MAF: variants seen among roughly 807,000 people sequenced by gnomAD.
MAF encodes MAF bZIP transcription factor, also known as transcription factor Maf.
Under a neutral mutation model 22.0 loss-of-function variants are expected in MAF, and 10 were observed. That is an observed-to-expected ratio of 0.45 (90% CI 0.28 to 0.77). The LOEUF is 0.77. MAF is among the 30% of genes least tolerant of loss of function. MAF has a pLI of 0.12. For missense variants in MAF, 544 were observed against 548.4 expected (o/e 0.99, Z 0.08); for synonymous variants, 337 against 255.8 (o/e 1.32, Z -3.03).
chr16:79,210,713 A>G, the MAF span, among the ~76,000 whole-genome samples: 458 of 152,224 alleles, frequency 3.0e-3, no homozygotes, highest in African/African-American at 0.01. Context: ...TATTATTTTT[A>G]ATTATGGCTT....
the MAF span, among the ~76,000 whole-genome samples, chr16:79,300,729 C>A: frequency 6.7e-6 from 1 of 149,658 alleles, no homozygotes; most frequent in Non-Finnish European, 1.5e-5. Flanking sequence ...AAAAAAAATT[C>A]ATTTAATTTA....
At chr16:79,493,835 C>T in the MAF span, among the ~76,000 whole-genome samples, 4 of 151,884 alleles carry the variant, frequency 2.6e-5, no homozygotes, top group Non-Finnish European at 4.4e-5. Flanking sequence ...CTTTGCTTCC[C>T]CCAAAGCCTT....
At chr16:79,364,032 A>T in the MAF span, among the ~76,000 whole-genome samples, 4 of 152,154 alleles carry the variant, frequency 2.6e-5, no homozygotes, top group Admixed American at 2.6e-4. Flanking sequence ...CTCAAAGGCA[A>T]CTTCCTTTTT....
At chr16:79,210,704 A>G in the MAF span, among the ~76,000 whole-genome samples, 2 of 151,652 alleles carry the variant, frequency 1.3e-5, no homozygotes, top group African/African-American at 4.9e-5. Flanking sequence ...ACAGCAGCCT[A>G]TTATTTTTAA....
chr16:79,489,270 C>A, the MAF span, among the ~76,000 whole-genome samples: 9 of 152,272 alleles, frequency 5.9e-5, no homozygotes, highest in Non-Finnish European at 1.0e-4. Flanking sequence ...GCAATTTATT[C>A]ATTCATCCAC....
chr16:79,563,713 G>C, the MAF span, among the ~76,000 whole-genome samples: 12 of 151,526 alleles, frequency 7.9e-5, no homozygotes, highest in Admixed American at 7.9e-4. Flanking sequence ...GACAGCTATA[G>C]ATGTCTTAAT....
At chr16:79,488,364 G>C in the MAF span, among the ~76,000 whole-genome samples, 1 of 152,190 alleles carries the variant, frequency 6.6e-6, no homozygotes, top group Admixed American at 6.5e-5. Context: ...TCCAGGTGCA[G>C]GTAGGAGGCT....
the MAF span, among the ~76,000 whole-genome samples, chr16:79,398,706 C>T: frequency 6.6e-6 from 1 of 151,910 alleles, no homozygotes; most frequent in Non-Finnish European, 1.5e-5. Flanking sequence ...CTTGACCTCC[C>T]CATCCATAAT....
the MAF span, among the ~76,000 whole-genome samples, chr16:79,368,534 T>A: frequency 1.3e-5 from 2 of 152,156 alleles, no homozygotes; most frequent in Non-Finnish European, 2.9e-5. Context: ...ATTTGTGAAG[T>A]GTCTACTGTG....
At chr16:79,278,571 G>C in the MAF span, among the ~76,000 whole-genome samples, 1 of 152,194 alleles carries the variant, frequency 6.6e-6, no homozygotes, top group Non-Finnish European at 1.5e-5. Context: ...GCTTTTGGAA[G>C]GAAGATGCCT....
At chr16:79,230,963 G>A in the MAF span, among the ~76,000 whole-genome samples, 1 of 152,080 alleles carries the variant, frequency 6.6e-6, no homozygotes, top group Non-Finnish European at 1.5e-5. Flanking sequence ...GATATCACTT[G>A]CCTAAAACTG....
At chr16:79,202,755 G>T in the MAF span, 1 of 152,174 alleles carries the variant, frequency 6.6e-6, no homozygotes, top group Non-Finnish European at 1.5e-5. Flanking sequence ...ATAGCAGCAT[G>T]CATAGCTTGT....
chr16:79,470,760 C>T, the MAF span, among the ~76,000 whole-genome samples: 1 of 152,138 alleles, frequency 6.6e-6, no homozygotes. Flanking sequence ...AAGGCACTCC[C>T]TCTTGAATCT....
chr16:79,481,175 C>G, the MAF span, among the ~76,000 whole-genome samples: 1 of 152,050 alleles, frequency 6.6e-6, no homozygotes, highest in Non-Finnish European at 1.5e-5. Flanking sequence ...CACTTACTAC[C>G]CAAATCTCTC....
At chr16:79,457,946 G>T in the MAF span, among the ~76,000 whole-genome samples, 10 of 152,076 alleles carry the variant, frequency 6.6e-5, no homozygotes, top group Admixed American at 2.0e-4. Flanking sequence ...GTTGACTGTA[G>T]AACATTTTTA....
chr16:79,567,555 G>T, the MAF span, among the ~76,000 whole-genome samples: 1 of 151,834 alleles, frequency 6.6e-6, no homozygotes, highest in African/African-American at 2.4e-5. Context: ...AACTAGTTTT[G>T]TCTGTTTGTA....
At chr16:79,209,284 A>C in the MAF span, among the ~76,000 whole-genome samples, 362 of 152,350 alleles carry the variant, frequency 2.4e-3, no homozygotes, top group African/African-American at 7.7e-3. Context: ...TTCTGAATCA[A>C]TGGGACTGCA....
the MAF span, chr16:79,515,928 CACATGTT>C: frequency 6.6e-6 from 1 of 150,572 alleles, no homozygotes; most frequent in South Asian, 2.1e-4. Context: ...ACCCACACTG[CACATGTT>C]ACTTGGACAA....
the MAF span, among the ~76,000 whole-genome samples, chr16:79,257,532 G>T: frequency 3.9e-5 from 6 of 152,124 alleles, no homozygotes; most frequent in South Asian, 2.1e-4. Context: ...GGTGGGTGAG[G>T]GCAGTGGGTC....
Sources: allele counts gnomAD v4.1 joint callset (sites outside exome capture counted in the v4.1 genomes callset), GRCh38; gene constraint gnomAD v4.1.1; transcripts MANE v1.5; gene names NCBI Gene and HGNC (gene_info 2026-07-23, HGNC 2026-07-21).